LARGE1: variants seen among roughly 807,000 people sequenced by gnomAD.
LARGE1 encodes xylosyl- and glucuronyltransferase LARGE1.
In LARGE1, 43 loss-of-function variants were observed where a neutral mutation model predicts 87.6. The ratio of observed to expected loss-of-function variants is 0.49; its 90% CI spans 0.38 to 0.63. The LOEUF (loss-of-function observed/expected upper bound fraction) is 0.63. Among genes scored for constraint, LARGE1 ranks in the 30% least tolerant of loss-of-function variants. The probability of loss-of-function intolerance (pLI) is 0.00; values close to 1 mark genes in which losing one functional copy is unlikely to be tolerated. For missense variants in LARGE1, 802 were observed against 1,000.2 expected, an observed-to-expected ratio of 0.80 and a Z score of 2.67; for synonymous variants, 434 against 394.6, an observed-to-expected ratio of 1.10 and a Z score of -1.18.
intron 9 of LARGE1, among the ~76,000 whole-genome samples, chr22:33,376,413 T>C (rs1473622513): frequency 1.3e-5 from 2 of 152,190 alleles, no homozygotes; most frequent in Admixed American, 6.5e-5. Flanking sequence ...CCCTATAAGA[T>C]GAAACTAGAT....
rs2069944624 is a variant in LARGE1 at position 33,493,282 on chromosome 22, TC to T, written c.788-61018del. Among the ~76,000 whole-genome samples the T allele has an allele frequency of 4.0e-5, 6 of 149,600 alleles. No individual in the cohort carries two copies. The South Asian group carries it at 1.3e-3, about 32-fold the overall frequency. On this transcript the variant is annotated intron_variant, in intron 6 of 14. Transcript: ENST00000397394. ...TTCAAGTGATTCTCCTGCCTCAGCC[TC>T]CCTAGCAGCTGGGATTACAGGCGCG... is the stretch of plus-strand genomic sequence containing the variant.
intron 2 of LARGE1, among the ~76,000 whole-genome samples, chr22:33,712,644 G>A (rs2082768643): frequency 1.7e-5 from 1 of 58,416 alleles, no homozygotes; most frequent in Non-Finnish European, 3.4e-5. Flanking sequence ...TACAGTGTGT[G>A]TGTGTGTGTG....
chr22:33,071,143 A>T, the LARGE1 span, among the ~76,000 whole-genome samples: 1 of 152,246 alleles, frequency 6.6e-6, no homozygotes, highest in Non-Finnish European at 1.5e-5. Context: ...TCCTGCATTA[A>T]AGAAACTTGA....
chr22:33,875,702 C>T (rs1485520804), intron 1 of LARGE1, among the ~76,000 whole-genome samples: 5 of 152,206 alleles, frequency 3.3e-5, no homozygotes, highest in Admixed American at 6.5e-5. Context: ...GGGAGGAAGC[C>T]GCCTGATTTC....
intron 2 of LARGE1, among the ~76,000 whole-genome samples, chr22:33,669,574 T>C (rs2081351963): frequency 6.6e-6 from 1 of 152,192 alleles, no homozygotes; most frequent in Non-Finnish European, 1.5e-5. Context: ...GTTCCTGATG[T>C]TCTATTAGTT....
chr22:33,133,358 T>G, the LARGE1 span, among the ~76,000 whole-genome samples: 3 of 152,140 alleles, frequency 2.0e-5, no homozygotes, highest in Non-Finnish European at 4.4e-5. Flanking sequence ...GGCCCCAGTG[T>G]GTGATGTTCC....
the LARGE1 span, among the ~76,000 whole-genome samples, chr22:33,149,113 C>T: frequency 4.6e-5 from 7 of 151,172 alleles, no homozygotes; most frequent in African/African-American, 1.7e-4. Flanking sequence ...TCTCGGCTCA[C>T]TGCAATCTCC....
At chr22:33,875,817 C>A (rs1324061720) in intron 1 of LARGE1, among the ~76,000 whole-genome samples, 1 of 152,114 alleles carries the variant, frequency 6.6e-6, no homozygotes, top group Non-Finnish European at 1.5e-5. Context: ...CACACTCTGA[C>A]ACCTCCGGCA....
At chr22:33,210,614 G>A (rs192449013) in intron 11 of LARGE1, among the ~76,000 whole-genome samples, 29 of 152,354 alleles carry the variant, frequency 1.9e-4, no homozygotes, top group East Asian at 9.6e-4. Context: ...TTAAGTCACC[G>A]GCAGACGTGG....
chr22:33,466,150 C>T (rs2068599089), intron 6 of LARGE1, among the ~76,000 whole-genome samples: 1 of 152,166 alleles, frequency 6.6e-6, no homozygotes, highest in South Asian at 2.1e-4. Flanking sequence ...ACCAGCTCTG[C>T]CCTGTCTCAT....
chr22:33,071,021 T>A, the LARGE1 span, among the ~76,000 whole-genome samples: 18,963 of 151,772 alleles, frequency 0.12, 1,398 homozygotes, highest in African/African-American at 0.21. Flanking sequence ...AATAAAAAAT[T>A]AAAAAAAATA....
chr22:33,447,106 C>A (rs750580556), intron 6 of LARGE1, among the ~76,000 whole-genome samples: 1 of 152,182 alleles, frequency 6.6e-6, no homozygotes, highest in Non-Finnish European at 1.5e-5. Flanking sequence ...GGTGGCCAGG[C>A]TGGTCTTGAA....
At position 33,762,882 on chromosome 22, in the gene LARGE1, C is replaced by T. The variant is rs1456343099; in HGVS notation, c.-82-1324G>A. Among the ~76,000 whole-genome samples, 4 of 152,198 alleles carry T rather than the reference C, an allele frequency of 2.6e-5. No homozygotes were observed. In the East Asian group the frequency reaches 7.7e-4, roughly 29 times the overall value. ...CTATAGGTGGAAAGAAAGATAAACCCACATGGTGCTTCCCTAACAGAGCGG... is the reference window on the plus strand; with the variant it reads ...CTATAGGTGGAAAGAAAGATAAACCTACATGGTGCTTCCCTAACAGAGCGG... On this transcript the variant is annotated intron_variant, in intron 1 of 14. Coordinates refer to ENST00000397394, the MANE Select transcript of LARGE1 (RefSeq NM_133642.5).
chr22:33,408,695 CTTTTT>C (rs572399860), intron 7 of LARGE1, among the ~76,000 whole-genome samples: 8 of 136,024 alleles, frequency 5.9e-5, no homozygotes, highest in Admixed American at 3.7e-4. Context: ...ATAGACTTGT[CTTTTT>C]TTTTTTTTTT....
intron 11 of LARGE1, among the ~76,000 whole-genome samples, chr22:33,216,510 T>C (rs1231405281): frequency 6.7e-6 from 1 of 150,362 alleles, no homozygotes; most frequent in Non-Finnish European, 1.5e-5. Flanking sequence ...GTGCCTGTAG[T>C]CCCAGCTACT....
intron 2 of LARGE1, among the ~76,000 whole-genome samples, chr22:33,749,737 G>A (rs778862610): frequency 2.0e-5 from 3 of 152,174 alleles, no homozygotes; most frequent in Admixed American, 6.5e-5. Context: ...TGGCTTATAA[G>A]AATCCTGCTA....
chr22:33,354,599 T>G (rs1940716430), intron 9 of LARGE1, among the ~76,000 whole-genome samples: 1 of 152,220 alleles, frequency 6.6e-6, no homozygotes, highest in African/African-American at 2.4e-5. Flanking sequence ...TGCTAAAGAA[T>G]ATTTAATAAA....
At chr22:33,469,968 C>T (rs2068765067) in intron 6 of LARGE1, among the ~76,000 whole-genome samples, 1 of 148,224 alleles carries the variant, frequency 6.7e-6, no homozygotes, top group Non-Finnish European at 1.5e-5. Flanking sequence ...TGGCTCACTG[C>T]AAGCTCCACC....
At chr22:33,764,240 C>T (rs1056176860) in intron 1 of LARGE1, among the ~76,000 whole-genome samples, 10 of 152,188 alleles carry the variant, frequency 6.6e-5, no homozygotes, top group Admixed American at 4.6e-4. Context: ...GCCCAATATG[C>T]CAGATAGGTG....
Sources: allele counts gnomAD v4.1 joint callset (sites outside exome capture counted in the v4.1 genomes callset), GRCh38; gene constraint gnomAD v4.1.1; transcripts MANE v1.5; gene names NCBI Gene and HGNC (gene_info 2026-07-23, HGNC 2026-07-21).